ARID4A: variants seen among roughly 807,000 people sequenced by gnomAD.
The protein encoded by ARID4A is AT-rich interaction domain 4A.
Under a neutral mutation model 148.6 loss-of-function variants are expected in ARID4A, and 39 were observed. The ratio of observed to expected loss-of-function variants is 0.26; its 90% CI spans 0.20 to 0.34. The LOEUF (loss-of-function observed/expected upper bound fraction) is 0.34. ARID4A is among the 10% of genes least tolerant of loss of function. The pLI, the probability that ARID4A is intolerant of heterozygous loss-of-function variation, is 1.00. For missense variants in ARID4A, 1,265 were observed against 1,449.1 expected, an observed-to-expected ratio of 0.87 and a Z score of 2.06; for synonymous variants, 475 against 481.2, an observed-to-expected ratio of 0.99 and a Z score of 0.17.
chr14:58,326,099 G>A (rs2033193164), intron 8 of ARID4A, among the ~76,000 whole-genome samples: 1 of 152,126 alleles, frequency 6.6e-6, no homozygotes, highest in Admixed American at 6.6e-5. Context: ...TGCTTTTGAG[G>A]TGAGCTTTGA....
At position 58,337,242 on chromosome 14, in the gene ARID4A, TTATTTATATATATA is replaced by T. The variant is rs1566696633; in HGVS notation, c.906+7077_906+7090del. ...CAACAAATCTCCTAGAACCTTCTCT[TTATTTATATATATA>T]TATATATATATAATTAAAACCGAGG... On this transcript the variant is annotated intron_variant, in intron 11 of 23. Coordinates refer to ENST00000355431, the MANE Select transcript of ARID4A (RefSeq NM_002892.4). Among the ~76,000 whole-genome samples, 4 of 45,648 alleles carry T rather than the reference TTATTTATATATATA, an allele frequency of 8.8e-5. 1 individual carries two copies. Among genetic ancestry groups the T allele is most frequent in the African/African-American group, 3.6e-4 (4 of 11,170 alleles). The allele number at this position is 45,648 out of a possible 152,430, so 29.9% of individuals were successfully genotyped here.
chr14:58,348,070 T>G (rs1231978614), intron 15 of ARID4A, among the ~76,000 whole-genome samples, 192 bp downstream of exon 15: 1 of 152,146 alleles, frequency 6.6e-6, no homozygotes, highest in African/African-American at 2.4e-5. Context: ...TTCCTTCTGT[T>G]TTCTGTTTAT....
At chr14:58,350,412 A>G (rs2034581748) in intron 15 of ARID4A, among the ~76,000 whole-genome samples, 2 of 152,268 alleles carry the variant, frequency 1.3e-5, no homozygotes, top group Admixed American at 6.5e-5. Flanking sequence ...AACCTAGGAG[A>G]TAGTGAAATT....
intron 7 of ARID4A, among the ~76,000 whole-genome samples, chr14:58,320,181 CAT>C (rs1472629659): frequency 6.6e-6 from 1 of 151,852 alleles, no homozygotes; most frequent in Admixed American, 6.6e-5. Flanking sequence ...CTCTTGACCT[CAT>C]GATCCACCTG....
At chr14:58,350,062 A>G (rs1375566967) in intron 15 of ARID4A, among the ~76,000 whole-genome samples, 1 of 143,664 alleles carries the variant, frequency 7.0e-6, no homozygotes, top group East Asian at 2.1e-4. Flanking sequence ...AGATCACACC[A>G]CTGCTCTCCA....
At chr14:58,316,364 T>C (rs1270729332) in intron 5 of ARID4A, among the ~76,000 whole-genome samples, 2 of 152,320 alleles carry the variant, frequency 1.3e-5, no homozygotes, top group African/African-American at 4.8e-5. Flanking sequence ...TCTTATTTTA[T>C]TCATAACCTG....
intron 23 of ARID4A, among the ~76,000 whole-genome samples, chr14:58,371,403 G>A (rs760557525): frequency 2.0e-5 from 3 of 152,120 alleles, no homozygotes; most frequent in Non-Finnish European, 4.4e-5. Context: ...AGAAAATTAT[G>A]TTAAAACCAT....
At position 58,298,912 on chromosome 14, in the gene ARID4A, G is replaced by A. The variant is rs1297493469; in HGVS notation, c.-58+212G>A. Among the ~76,000 whole-genome samples the A allele has an allele frequency of 2.0e-5, 3 of 152,176 alleles. No individual in the cohort carries two copies. In the East Asian group the frequency reaches 5.8e-4, roughly 29 times the overall value. On this transcript the variant is annotated intron_variant, in intron 1 of 23. Coordinates refer to ENST00000355431, the MANE Select transcript of ARID4A (RefSeq NM_002892.4). The stretch of plus-strand genomic sequence containing the variant: ...CCGCCGCAGTTGCAGCCGCCTCCTC[G>A]TCCGCTTCCTCGGGTTCCCGGGAAA...
Position 58,347,051 on chromosome 14 carries a change from A to T in ARID4A, c.1106A>T (p.Tyr369Phe), listed in dbSNP as rs1233445029. The T allele has an allele frequency of 1.3e-6, 2 of 1,548,710 alleles. No homozygotes were observed. Among genetic ancestry groups the T allele is most frequent in the East Asian group, 2.4e-5 (1 of 40,970 alleles). ...IDSGAVWKQI[Y>F]MDLGIPILNS... Reference sequence around the variant, plus strand: ...AGTGGTGCTGTATGGAAGCAAATTTATATGGACCTTGGCATTCCTATTTTG... The same window carrying T: ...AGTGGTGCTGTATGGAAGCAAATTTTTATGGACCTTGGCATTCCTATTTTG... Residue 369 changes from tyrosine to phenylalanine, a missense_variant, in exon 14 of 24, where the codon TAT becomes TTT. Around this residue, in one of 9 missense-constraint regions of ARID4A, gnomAD observed 249 missense variants for 277.2 expected, o/e 0.90. Coordinates refer to ENST00000355431, the MANE Select transcript of ARID4A (RefSeq NM_002892.4).
chr14:58,304,061 T>TA (rs75271900), intron 3 of ARID4A, among the ~76,000 whole-genome samples: 112 of 137,700 alleles, frequency 8.1e-4, no homozygotes, highest in East Asian at 1.4e-3. Flanking sequence ...AGACCCTGCC[T>TA]AAAAAAAAAA....
At chr14:58,306,761 C>A (rs1266586972) in intron 5 of ARID4A, among the ~76,000 whole-genome samples, 1 of 152,154 alleles carries the variant, frequency 6.6e-6, no homozygotes, top group Non-Finnish European at 1.5e-5. Flanking sequence ...TGCCTGTAAT[C>A]CCAGCTACTC....
chr14:58,337,267 T>TATATATATATAA (rs1411261595), intron 11 of ARID4A, among the ~76,000 whole-genome samples: 3 of 137,744 alleles, frequency 2.2e-5, no homozygotes, highest in Non-Finnish European at 3.1e-5. Context: ...TATATATATA[T>TATATATATATAA]AATTAAAACC....
intron 7 of ARID4A, among the ~76,000 whole-genome samples, chr14:58,320,415 A>G (rs902937320): frequency 2.0e-5 from 3 of 152,148 alleles, no homozygotes; most frequent in African/African-American, 7.2e-5. Context: ...ATAGACTACT[A>G]TCATAATATA....
intron 20 of ARID4A, 106 bp downstream of exon 20, chr14:58,365,406 T>A: frequency 7.1e-7 from 1 of 1,414,590 alleles, no homozygotes; most frequent in Admixed American, 2.5e-5. Context: ...TTCTTTTCTC[T>A]CTTCTTTTCT....
intron 7 of ARID4A, among the ~76,000 whole-genome samples, chr14:58,320,975 GT>G (rs1302940993): frequency 1.3e-5 from 2 of 152,116 alleles, no homozygotes; most frequent in Non-Finnish European, 2.9e-5. Context: ...ATGTTGGATT[GT>G]TTTCTCATTG....
At chr14:58,309,741 A>G (rs1329130064) in intron 5 of ARID4A, among the ~76,000 whole-genome samples, 2 of 152,042 alleles carry the variant, frequency 1.3e-5, no homozygotes, top group Non-Finnish European at 2.9e-5. Flanking sequence ...ATCATTTATC[A>G]AGTTTAGCAC....
chr14:58,300,367 A>ACATACT (rs1555356034), intron 2 of ARID4A, among the ~76,000 whole-genome samples: 9 of 151,284 alleles, frequency 5.9e-5, no homozygotes, highest in Admixed American at 5.9e-4. Flanking sequence ...ATTTTAAAAC[A>ACATACT]TATACTAAAA....
rs371294379 is a variant in ARID4A, at chr14:58,306,196, G to A, written c.274+84G>A. On this transcript the variant is annotated intron_variant, in intron 5 of 23. Coordinates refer to ENST00000355431, the MANE Select transcript of ARID4A (RefSeq NM_002892.4). ...TGTGGATACACTGAATCATTGTGTT[G>A]GTGGAGAAATATATATTATTTCCTG... 1.9e-5 allele frequency: 18 copies of A among 966,720 alleles called. 1 individual carries two copies. In the South Asian group the frequency reaches 2.2e-4, roughly 12 times the overall value. 59.9% of individuals were successfully genotyped at this position (966,720 alleles called of 1,614,324 possible). A position where few individuals can be genotyped will look rare whatever the true frequency, so the allele number is the denominator to read the frequency against.
rs190943719 is a variant in ARID4A, at chr14:58,351,054, C to T, written c.1405-19C>T. The T allele has an allele frequency of 1.9e-6, 3 of 1,568,660 alleles. No individual in the cohort carries two copies. The highest frequency in any genetic ancestry group is 2.2e-5 in the East Asian group (1 of 44,582). On this transcript the variant is annotated intron_variant, in intron 15 of 23. Coordinates refer to ENST00000355431, the MANE Select transcript of ARID4A (RefSeq NM_002892.4). The stretch of plus-strand genomic sequence containing the variant: ...CTTTATAGTGATAGCTATTTTAAAG[C>T]TTTTATCCCCTCTACTAGGGACGAA...
Sources: allele counts gnomAD v4.1 joint callset (sites outside exome capture counted in the v4.1 genomes callset), GRCh38; gene constraint gnomAD v4.1.1; regional missense constraint gnomAD v4.1.1; transcripts MANE v1.5; gene names NCBI Gene and HGNC (gene_info 2026-07-23, HGNC 2026-07-21).